TSPAN5: variants seen among roughly 807,000 people sequenced by gnomAD.
TSPAN5 encodes the protein tetraspanin 5.
In TSPAN5, 10 loss-of-function variants were observed where a neutral mutation model predicts 37.1. The observed-to-expected ratio is 0.27, with a 90% CI of 0.17 to 0.46. The LOEUF (loss-of-function observed/expected upper bound fraction) is 0.46, where lower values mean the gene tolerates loss of function less well. Among genes scored for constraint, TSPAN5 ranks in the 20% least tolerant of loss-of-function variants. TSPAN5 has a pLI of 1.00. For synonymous variants in TSPAN5, 110 were observed against 118.9 expected, an observed-to-expected ratio of 0.93 and a Z score of 0.48; for missense variants, 195 against 326.6, an observed-to-expected ratio of 0.60 and a Z score of 3.11.
intron 1 of TSPAN5, among the ~76,000 whole-genome samples, chr4:98,601,683 T>C (rs1755885672): frequency 6.6e-6 from 1 of 152,242 alleles, no homozygotes. Context: ...ACTGTTTTGC[T>C]TTCTTATCAT....
At chr4:98,604,360 T>C (rs990807183) in intron 1 of TSPAN5, among the ~76,000 whole-genome samples, 1 of 152,202 alleles carries the variant, frequency 6.6e-6, no homozygotes, top group Non-Finnish European at 1.5e-5. Flanking sequence ...TGCTTTGTAA[T>C]GCTAAGCAGA....
At chr4:98,521,495 T>C (rs1192420600) in intron 1 of TSPAN5, among the ~76,000 whole-genome samples, 2 of 152,210 alleles carry the variant, frequency 1.3e-5, no homozygotes, top group African/African-American at 4.8e-5. Context: ...GTTCCTGGCA[T>C]TGCTGTGATT....
chr4:98,564,312 T>C (rs1036050943), intron 1 of TSPAN5, among the ~76,000 whole-genome samples: 4 of 152,236 alleles, frequency 2.6e-5, no homozygotes, highest in East Asian at 3.8e-4. Flanking sequence ...AGTATAAACA[T>C]CTTTTCCTGT....
chr4:98,637,391 G>C (rs1756880126), intron 1 of TSPAN5, among the ~76,000 whole-genome samples: 1 of 152,008 alleles, frequency 6.6e-6, no homozygotes, highest in African/African-American at 2.4e-5. Flanking sequence ...TTTAATCCCT[G>C]TATCCCTGGA....
intron 1 of TSPAN5, among the ~76,000 whole-genome samples, chr4:98,526,892 T>C (rs1753975410): frequency 6.6e-6 from 1 of 152,224 alleles, no homozygotes; most frequent in African/African-American, 2.4e-5. Flanking sequence ...TTTAGCCTCA[T>C]GTAAATTGTA....
At chr4:98,582,326 G>A (rs1467424196) in intron 1 of TSPAN5, among the ~76,000 whole-genome samples, 1 of 152,142 alleles carries the variant, frequency 6.6e-6, no homozygotes, top group African/African-American at 2.4e-5. Flanking sequence ...GCACAACAGG[G>A]ACCCAGAGGA....
intron 3 of TSPAN5, among the ~76,000 whole-genome samples, chr4:98,486,031 C>T (rs919870294): frequency 6.6e-6 from 1 of 152,144 alleles, no homozygotes; most frequent in African/African-American, 2.4e-5. Context: ...CATTTGGCTA[C>T]ATTCAACAAC....
intron 1 of TSPAN5, among the ~76,000 whole-genome samples, chr4:98,609,884 G>C (rs961344962): frequency 1.3e-5 from 2 of 152,170 alleles, no homozygotes; most frequent in Non-Finnish European, 2.9e-5. Flanking sequence ...GAGGGCAAAG[G>C]TAAGTCAGAG....
chr4:98,567,912 C>G (rs1200330847), intron 1 of TSPAN5, among the ~76,000 whole-genome samples: 1 of 138,300 alleles, frequency 7.2e-6, no homozygotes, highest in Non-Finnish European at 1.5e-5. Context: ...TGGTCTCCAT[C>G]AGTCCTGAGA....
intron 1 of TSPAN5, among the ~76,000 whole-genome samples, chr4:98,641,460 G>A (rs1756961287): frequency 6.6e-6 from 1 of 152,126 alleles, no homozygotes; most frequent in South Asian, 2.1e-4. Flanking sequence ...GCCACATATG[G>A]AATCCATATG....
chr4:98,507,976 A>G (rs545022275), intron 1 of TSPAN5, among the ~76,000 whole-genome samples: 40 of 152,248 alleles, frequency 2.6e-4, no homozygotes, highest in Non-Finnish European at 5.4e-4. Flanking sequence ...ATAATTAGGT[A>G]GAATCCTGAG....
chr4:98,481,170 T>A (rs1752830950), intron 4 of TSPAN5, among the ~76,000 whole-genome samples: 1 of 152,102 alleles, frequency 6.6e-6, no homozygotes, highest in African/African-American at 2.4e-5. Context: ...TAGCCTAATA[T>A]AAAAACATGT....
chr4:98,575,363 CT>C (rs556634724), intron 1 of TSPAN5, among the ~76,000 whole-genome samples: 1,496 of 136,790 alleles, frequency 0.011, 13 homozygotes, highest in African/African-American at 0.023. Flanking sequence ...CTGGCGGGCT[CT>C]TTTTTTTTTT....
chr4:98,524,055 A>G (rs912608923), intron 1 of TSPAN5, among the ~76,000 whole-genome samples: 2 of 152,338 alleles, frequency 1.3e-5, no homozygotes, highest in African/African-American at 4.8e-5. Context: ...AAGTGTAATT[A>G]AAAAGTCTCT....
At chr4:98,545,622 T>C (rs563004703) in intron 1 of TSPAN5, among the ~76,000 whole-genome samples, 1 of 152,232 alleles carries the variant, frequency 6.6e-6, no homozygotes, top group South Asian at 2.1e-4. Context: ...CTCTGCTTCC[T>C]GGGCTCAGGT....
At chr4:98,554,968 C>T (rs1306401294) in intron 1 of TSPAN5, among the ~76,000 whole-genome samples, 1 of 152,178 alleles carries the variant, frequency 6.6e-6, no homozygotes, top group Non-Finnish European at 1.5e-5. Context: ...CAGAAAGATA[C>T]TCTGCTTGGA....
intron 1 of TSPAN5, among the ~76,000 whole-genome samples, chr4:98,542,145 A>T (rs1005126519): frequency 7.9e-5 from 12 of 152,172 alleles, no homozygotes; most frequent in African/African-American, 2.9e-4. Flanking sequence ...GGTTCTGTGA[A>T]GATGAAATGA....
chr4:98,555,022 G>A (rs1394601842), intron 1 of TSPAN5, among the ~76,000 whole-genome samples: 1 of 152,186 alleles, frequency 6.6e-6, no homozygotes, highest in East Asian at 1.9e-4. Flanking sequence ...GAAATAGCCT[G>A]AGAACACCAG....
intron 1 of TSPAN5, among the ~76,000 whole-genome samples, chr4:98,547,080 G>T (rs1754487169): frequency 6.6e-6 from 1 of 152,168 alleles, no homozygotes; most frequent in South Asian, 2.1e-4. Flanking sequence ...AAGCATAACA[G>T]TAGCCTTGCC....
Sources: allele counts gnomAD v4.1 joint callset (sites outside exome capture counted in the v4.1 genomes callset), GRCh38; gene constraint gnomAD v4.1.1; transcripts MANE v1.5; gene names NCBI Gene and HGNC (gene_info 2026-07-23, HGNC 2026-07-21).